The following MICU1 variants were observed in gnomAD, a reference collection of about 807,000 sequenced individuals.
The protein encoded by MICU1 is calcium uptake protein 1, mitochondrial.
MICU1 carries 45 observed loss-of-function variants against 56.8 expected under a neutral mutation model. That is an observed-to-expected ratio of 0.79 (90% CI 0.62 to 1.02). MICU1 has a LOEUF of 1.02. Ranked by LOEUF, MICU1 falls within the 50% of genes least tolerant of loss-of-function variation. The pLI, the probability that MICU1 is intolerant of heterozygous loss-of-function variation, is 0.00. For missense variants in MICU1, 504 were observed against 587.1 expected, an observed-to-expected ratio of 0.86 and a Z score of 1.46; for synonymous variants, 186 against 195.1, an observed-to-expected ratio of 0.95 and a Z score of 0.39.
chr10:72,425,768 T>C (rs756719273), intron 8 of MICU1, among the ~76,000 whole-genome samples: 1 of 152,200 alleles, frequency 6.6e-6, no homozygotes, highest in Non-Finnish European at 1.5e-5. Flanking sequence ...CATGGAGAGC[T>C]GTTTTTCTTT....
At chr10:72,401,637 G>C (rs1008150850) in intron 10 of MICU1, among the ~76,000 whole-genome samples, 4 of 152,208 alleles carry the variant, frequency 2.6e-5, no homozygotes, top group Admixed American at 6.5e-5. Flanking sequence ...CTGGGCAACA[G>C]AGTGAGACCC....
chr10:72,475,053 C>T, intron 8 of MICU1, 47 bp downstream of exon 8: 2 of 1,523,160 alleles, frequency 1.3e-6, no homozygotes, highest in Non-Finnish European at 1.8e-6. Context: ...CCCTCCTGCC[C>T]ATCAGTTCCA....
intron 10 of MICU1, among the ~76,000 whole-genome samples, chr10:72,377,363 G>A (rs913945777): frequency 6.6e-6 from 1 of 152,006 alleles, no homozygotes; most frequent in East Asian, 1.9e-4. Context: ...CAGGTGATCT[G>A]CCCACCTCGG....
chr10:72,507,030 G>C (rs1867275856), intron 6 of MICU1, among the ~76,000 whole-genome samples: 2 of 152,110 alleles, frequency 1.3e-5, no homozygotes, highest in African/African-American at 4.8e-5. Context: ...AAGAACGAAA[G>C]TGGTCACAGT....
intron 3 of MICU1, among the ~76,000 whole-genome samples, chr10:72,557,697 T>C (rs1280071247): frequency 6.6e-6 from 1 of 152,196 alleles, no homozygotes; most frequent in Non-Finnish European, 1.5e-5. Context: ...CAATAAACTA[T>C]ATATGTATAT....
intron 8 of MICU1, chr10:72,473,269 T>C (rs528110019): frequency 5.3e-5 from 8 of 151,854 alleles, no homozygotes; most frequent in South Asian, 2.1e-4. Context: ...GTGGTCATAG[T>C]GGTGGTGGGT....
chr10:72,577,988 C>A (rs1840793939), intron 1 of MICU1, among the ~76,000 whole-genome samples: 1 of 152,142 alleles, frequency 6.6e-6, no homozygotes, highest in Non-Finnish European at 1.5e-5. Flanking sequence ...TTTGGGAGAA[C>A]TGACTCAAGT....
intron 8 of MICU1, among the ~76,000 whole-genome samples, chr10:72,465,503 C>CTTTTT (rs10586216): frequency 3.5e-5 from 2 of 57,748 alleles, no homozygotes; most frequent in African/African-American, 9.7e-5. Context: ...CTGTTCAGGT[C>CTTTTT]TTTTTTTTTT....
chr10:72,571,766 G>C (rs567233446), intron 1 of MICU1, among the ~76,000 whole-genome samples: 7 of 151,890 alleles, frequency 4.6e-5, no homozygotes, highest in Non-Finnish European at 7.4e-5. Context: ...AATTTCCAAA[G>C]AAAAACAAAA....
At chr10:72,612,478 T>C (rs1416925428) in intron 1 of MICU1, among the ~76,000 whole-genome samples, 1 of 152,166 alleles carries the variant, frequency 6.6e-6, no homozygotes, top group Non-Finnish European at 1.5e-5. Context: ...TGCCAAGGCT[T>C]TGACAGTCAA....
intron 5 of MICU1, chr10:72,523,931 AG>A: frequency 6.8e-7 from 1 of 1,479,498 alleles, no homozygotes; most frequent in Non-Finnish European, 8.9e-7. Flanking sequence ...AAAATAATAA[AG>A]TCTTTCTAGG....
intron 8 of MICU1, among the ~76,000 whole-genome samples, chr10:72,429,580 A>G (rs181044415): frequency 9.6e-4 from 146 of 152,276 alleles, no homozygotes; most frequent in Non-Finnish European, 1.8e-3. Context: ...AAAACAGAAA[A>G]CCTGGCATAA....
At chr10:72,422,716 CTTTTTT>C (rs11330509) in intron 9 of MICU1, among the ~76,000 whole-genome samples, 1 of 142,018 alleles carries the variant, frequency 7.0e-6, no homozygotes, top group Admixed American at 7.0e-5. Flanking sequence ...TTTAGGTATT[CTTTTTT>C]TTTTTTGAGA....
chr10:72,501,985 T>C (rs1396122392), intron 6 of MICU1, among the ~76,000 whole-genome samples: 1 of 152,200 alleles, frequency 6.6e-6, no homozygotes, highest in African/African-American at 2.4e-5. Flanking sequence ...AAAACCCACA[T>C]GATTTCCTAT....
chr10:72,406,200 GAAAAT>G (rs957510412), intron 10 of MICU1, among the ~76,000 whole-genome samples: 3 of 151,878 alleles, frequency 2.0e-5, no homozygotes, highest in African/African-American at 7.3e-5. Context: ...CAAACAATTA[GAAAAT>G]AAAATAAAAC....
At chr10:72,376,451 C>T (rs999020150) in intron 10 of MICU1, among the ~76,000 whole-genome samples, 7 of 151,848 alleles carry the variant, frequency 4.6e-5, no homozygotes, top group Non-Finnish European at 8.8e-5. Flanking sequence ...TTTGGGATTC[C>T]GAGGCAACAT....
At chr10:72,535,035 A>ATTTTATTTTATTTTATTTTAT (rs1466059359) in intron 4 of MICU1, among the ~76,000 whole-genome samples, 1 of 60,342 alleles carries the variant, frequency 1.7e-5, no homozygotes, top group African/African-American at 3.9e-5. Flanking sequence ...ATTTTATTTT[A>ATTTTATTTTATTTTATTTTAT]TTTATTTATT....
intron 6 of MICU1, 96 bp downstream of exon 6, chr10:72,508,059 C>G: frequency 1.8e-6 from 1 of 552,982 alleles, no homozygotes. Flanking sequence ...AATTCATTAA[C>G]TCTACCAATA....
At chr10:72,603,252 T>C (rs1346169776) in intron 1 of MICU1, among the ~76,000 whole-genome samples, 1 of 151,692 alleles carries the variant, frequency 6.6e-6, no homozygotes, top group Admixed American at 6.6e-5. Flanking sequence ...CCAGGCATGG[T>C]GTTGCACACC....
Sources: allele counts gnomAD v4.1 joint callset (sites outside exome capture counted in the v4.1 genomes callset), GRCh38; gene constraint gnomAD v4.1.1; transcripts MANE v1.5; gene names NCBI Gene and HGNC (gene_info 2026-07-23, HGNC 2026-07-21).